SHANK2: variants seen among roughly 807,000 people sequenced by gnomAD.
The protein encoded by SHANK2 is SH3 and multiple ankyrin repeat domains 2.
In SHANK2, 43 loss-of-function variants were observed where a neutral mutation model predicts 133.7. The ratio of observed to expected loss-of-function variants is 0.32; its 90% CI spans 0.25 to 0.41. The LOEUF (loss-of-function observed/expected upper bound fraction) is 0.41, where lower values mean the gene tolerates loss of function less well. Ranked by LOEUF, SHANK2 falls within the 10% of genes least tolerant of loss-of-function variation. The pLI is 1.00. For missense variants in SHANK2, 1,994 were observed against 2,235.8 expected, an observed-to-expected ratio of 0.89 and a Z score of 2.18; for synonymous variants, 1,017 against 952.8, an observed-to-expected ratio of 1.07 and a Z score of -1.24.
At chr11:70,955,338 T>A (rs1227253742) in intron 10 of SHANK2, among the ~76,000 whole-genome samples, 5 of 151,990 alleles carry the variant, frequency 3.3e-5, no homozygotes, top group Non-Finnish European at 2.9e-5. Flanking sequence ...CCTTTCAGAA[T>A]GCAGCTGCTG....
At chr11:70,738,897 C>G (rs954018887) in intron 14 of SHANK2, among the ~76,000 whole-genome samples, 24 of 152,218 alleles carry the variant, frequency 1.6e-4, no homozygotes, top group Admixed American at 1.3e-3. Context: ...TCTGCTGCCC[C>G]CCTCGAATGG....
At chr11:70,497,424 G>GTGAC (rs1232759381) in intron 21 of SHANK2, among the ~76,000 whole-genome samples, 4 of 152,190 alleles carry the variant, frequency 2.6e-5, no homozygotes, top group East Asian at 1.9e-4. Flanking sequence ...GAATTGTTCG[G>GTGAC]TGACAGAAAA....
At position 70,599,969 on chromosome 11, in the gene SHANK2, A is replaced by G. The variant is rs868948483; in HGVS notation, c.2061+59859T>C. Among the ~76,000 whole-genome samples, 68 of 101,432 alleles carry G rather than the reference A, an allele frequency of 6.7e-4. 1 individual carries two copies. Among genetic ancestry groups the G allele is most frequent in the African/African-American group, 2.2e-3 (53 of 24,594 alleles). 66.5% of individuals were successfully genotyped at this position (101,432 alleles called of 152,430 possible). On this transcript the variant is annotated intron_variant, in intron 17 of 25. Coordinates refer to ENST00000601538, the MANE Select transcript of SHANK2 (RefSeq NM_012309.5). ...AAAGAAAGAAAGAAAGAAAGAAAGA[A>G]AGAAAATGTATCATGTTCTTGAACA...
At chr11:70,644,624 T>C (rs1855487228) in intron 17 of SHANK2, among the ~76,000 whole-genome samples, 2 of 152,164 alleles carry the variant, frequency 1.3e-5, no homozygotes, top group South Asian at 4.1e-4. Context: ...AGGTTGATCT[T>C]GGAAGAACAC....
chr11:70,673,821 T>C (rs1262170867), intron 15 of SHANK2, among the ~76,000 whole-genome samples: 1 of 152,270 alleles, frequency 6.6e-6, no homozygotes, highest in African/African-American at 2.4e-5. Flanking sequence ...CTGAAAAGTT[T>C]GCTTCTCTTC....
rs181106018 is a variant in SHANK2 at position 70,951,669 on chromosome 11, G to T, written c.1108-55102C>A. On this transcript the variant is annotated intron_variant, in intron 10 of 25. Coordinates refer to ENST00000601538, the MANE Select transcript of SHANK2 (RefSeq NM_012309.5). ...ATTCATTTCCCCTGGCTGCTGTGCC[G>T]TGACATCATAAAGTGGGTGGCTTAA... 2.1e-4 allele frequency among the ~76,000 whole-genome samples: 32 copies of T among 152,218 alleles called. No homozygotes were observed. In the East Asian group the frequency reaches 4.1e-3, roughly 19 times the overall value.
intron 11 of SHANK2, among the ~76,000 whole-genome samples, chr11:70,851,944 A>AT (rs1327236601): frequency 7.2e-5 from 11 of 152,226 alleles, no homozygotes; most frequent in Non-Finnish European, 1.3e-4. Context: ...TGATCAATTA[A>AT]TAAGAATCAC....
chr11:70,501,328 A>G (rs2059047822), intron 20 of SHANK2, among the ~76,000 whole-genome samples: 1 of 152,198 alleles, frequency 6.6e-6, no homozygotes, highest in Non-Finnish European at 1.5e-5. Flanking sequence ...CCTCTCGGGA[A>G]AGCTGCCTGT....
At chr11:70,640,063 T>C (rs190958612) in intron 17 of SHANK2, among the ~76,000 whole-genome samples, 53 of 152,248 alleles carry the variant, frequency 3.5e-4, no homozygotes, top group Non-Finnish European at 6.6e-4. Flanking sequence ...GTGTCGCCAA[T>C]GGTAAGCAGG....
intron 2 of SHANK2, among the ~76,000 whole-genome samples, chr11:71,223,112 G>A (rs984258366): frequency 1.3e-5 from 2 of 152,230 alleles, no homozygotes; most frequent in African/African-American, 4.8e-5. Context: ...TGAACATGGG[G>A]AGGGAGAGAG....
intron 11 of SHANK2, among the ~76,000 whole-genome samples, chr11:70,837,991 A>AAG (rs1948847499): frequency 6.6e-6 from 1 of 150,502 alleles, no homozygotes; most frequent in African/African-American, 2.4e-5. Context: ...AAAAAAAAAA[A>AAG]AAAAAAAAAA....
intron 2 of SHANK2, among the ~76,000 whole-genome samples, chr11:71,205,189 G>T (rs1555117805): frequency 6.6e-6 from 1 of 152,210 alleles, no homozygotes; most frequent in African/African-American, 2.4e-5. Flanking sequence ...GACCACAGAA[G>T]TACCCCAGGC....
chr11:70,819,731 G>A, intron 12 of SHANK2, among the ~76,000 whole-genome samples: 1 of 152,124 alleles, frequency 6.6e-6, no homozygotes, highest in East Asian at 1.9e-4. Context: ...CTGCTTCAGA[G>A]ACTGACAGAC....
At chr11:70,618,944 C>T (rs1247206694) in intron 17 of SHANK2, among the ~76,000 whole-genome samples, 3 of 152,172 alleles carry the variant, frequency 2.0e-5, no homozygotes, top group Admixed American at 6.5e-5. Context: ...CAGGCTGACC[C>T]GGCAGATGGC....
At chr11:70,730,826 CTTTTTTTTT>C (rs34081906) in intron 14 of SHANK2, among the ~76,000 whole-genome samples, 1 of 127,396 alleles carries the variant, frequency 7.8e-6, no homozygotes, top group African/African-American at 3.1e-5. Context: ...TTTTTTATTT[CTTTTTTTTT>C]TTTTTTTTTG....
intron 11 of SHANK2, chr11:70,863,785 C>T (rs782135992): frequency 8.8e-6 from 4 of 456,864 alleles, no homozygotes; most frequent in African/African-American, 4.0e-5. Context: ...CCTCATCCAA[C>T]AGGAGAGGTG....
chr11:70,876,215 A>G (rs1949559226), intron 11 of SHANK2, among the ~76,000 whole-genome samples: 1 of 128,438 alleles, frequency 7.8e-6, no homozygotes, highest in African/African-American at 2.9e-5. Context: ...ACACACATGT[A>G]TATACATAAT....
At chr11:70,777,571 C>T (rs2135090314) in intron 14 of SHANK2, among the ~76,000 whole-genome samples, 1 of 152,136 alleles carries the variant, frequency 6.6e-6, no homozygotes, top group Non-Finnish European at 1.5e-5. Flanking sequence ...TTCTCAGCCC[C>T]TACTCCATGC....
At chr11:71,206,623 T>C (rs1954131991) in intron 2 of SHANK2, among the ~76,000 whole-genome samples, 1 of 152,118 alleles carries the variant, frequency 6.6e-6, no homozygotes, top group Non-Finnish European at 1.5e-5. Flanking sequence ...CAGTAAACAG[T>C]TGATAATTTG....
Sources: gnomAD v4.1 joint callset for allele counts (sites outside exome capture counted in the v4.1 genomes callset) on GRCh38, gnomAD v4.1.1 for gene constraint, MANE v1.5 for transcripts, NCBI Gene and HGNC (gene_info 2026-07-23, HGNC 2026-07-21) for gene names.